PPP1R13B: variants seen among roughly 807,000 people sequenced by gnomAD.
PPP1R13B encodes the protein protein phosphatase 1 regulatory subunit 13B, also known as apoptosis-stimulating of p53 protein 1.
Under a neutral mutation model 119.8 loss-of-function variants are expected in PPP1R13B, and 44 were observed. The ratio of observed to expected loss-of-function variants is 0.37; its 90% CI spans 0.29 to 0.47. The LOEUF is 0.47. PPP1R13B is among the 20% of genes least tolerant of loss of function. The pLI is 0.99. For missense variants in PPP1R13B, 1,227 were observed against 1,413.5 expected (o/e 0.87, Z 2.12); for synonymous variants, 542 against 561.5 (o/e 0.97, Z 0.49).
intron 1 of PPP1R13B, among the ~76,000 whole-genome samples, chr14:103,814,328 G>A (rs762442825): frequency 1.2e-4 from 18 of 152,090 alleles, no homozygotes; most frequent in South Asian, 4.2e-4. Flanking sequence ...CAGCCTGGGC[G>A]ACAGAGCAAG....
intron 9 of PPP1R13B, 186 bp from the exon 10 acceptor site, chr14:103,743,009 G>A: frequency 1.6e-6 from 1 of 638,632 alleles, no homozygotes; most frequent in South Asian, 1.9e-5. Context: ...ACAGACCCGT[G>A]CACAAGACCA....
At chr14:103,846,172 TAAAG>T (rs1310520588) in intron 1 of PPP1R13B, among the ~76,000 whole-genome samples, 1 of 152,150 alleles carries the variant, frequency 6.6e-6, no homozygotes, top group East Asian at 1.9e-4. Context: ...AGTCTGATGC[TAAAG>T]AAAGACCTAA....
At chr14:103,759,668 T>C (rs1290121309) in intron 4 of PPP1R13B, among the ~76,000 whole-genome samples, 2 of 152,060 alleles carry the variant, frequency 1.3e-5, no homozygotes, top group African/African-American at 2.4e-5. Flanking sequence ...TTAACATTAA[T>C]TTTATAATTT....
At chr14:103,799,125 G>A (rs1018005989) in intron 1 of PPP1R13B, among the ~76,000 whole-genome samples, 2 of 151,960 alleles carry the variant, frequency 1.3e-5, no homozygotes, top group Non-Finnish European at 2.9e-5. Context: ...TTGGCCTTCT[G>A]AGTAGCTGGG....
chr14:103,759,895 C>T (rs535688143), intron 4 of PPP1R13B, among the ~76,000 whole-genome samples: 1 of 152,090 alleles, frequency 6.6e-6, no homozygotes, highest in Non-Finnish European at 1.5e-5. Flanking sequence ...CTTTATGTTG[C>T]GTGTGTTTTT....
In PPP1R13B at chr14:103,734,709, A is replaced by G; in HGVS notation, c.*445T>C. ...AGGATCATGTGTGGGAAGTGTGAGA[A>G]AGGATGAGTGTCCGATTCGGTGACG... On this transcript the variant is annotated 3_prime_UTR_variant, in exon 17 of 17. Coordinates refer to ENST00000202556, the MANE Select transcript of PPP1R13B (RefSeq NM_015316.3). 2.2e-6 allele frequency: 1 copy of G among 458,424 alleles called. No individual in the cohort carries two copies. The highest frequency in any genetic ancestry group is 1.5e-5 in the South Asian group (1 of 64,570). 28.4% of individuals were successfully genotyped at this position (458,424 alleles called of 1,614,324 possible).
intron 9 of PPP1R13B, among the ~76,000 whole-genome samples, chr14:103,745,585 C>T (rs1359582825): frequency 1.3e-5 from 2 of 152,212 alleles, no homozygotes; most frequent in Non-Finnish European, 2.9e-5. Context: ...ATGGACTACA[C>T]TAGAGGTCCA....
intron 4 of PPP1R13B, among the ~76,000 whole-genome samples, chr14:103,758,914 A>C (rs2084738948): frequency 6.6e-6 from 1 of 151,742 alleles, no homozygotes; most frequent in Non-Finnish European, 1.5e-5. Flanking sequence ...ATGATGTTTG[A>C]GCACATTCTT....
chr14:103,748,639 G>A (rs189652305), intron 8 of PPP1R13B, among the ~76,000 whole-genome samples: 18 of 152,336 alleles, frequency 1.2e-4, no homozygotes, highest in African/African-American at 3.8e-4. Flanking sequence ...TAATCACTGA[G>A]TGCCACAGGT....
intron 4 of PPP1R13B, chr14:103,763,144 A>T (rs1241280911): frequency 1.6e-6 from 1 of 639,542 alleles, no homozygotes; most frequent in Non-Finnish European, 2.8e-6. Flanking sequence ...CTGCCACCTT[A>T]TGACAGGGAT....
intron 4 of PPP1R13B, among the ~76,000 whole-genome samples, chr14:103,770,774 C>T (rs1249128482): frequency 6.6e-6 from 1 of 152,130 alleles, no homozygotes; most frequent in African/African-American, 2.4e-5. Flanking sequence ...AGATAAAACA[C>T]AAAACATGTT....
At chr14:103,752,340 T>A (rs1425626178) in intron 7 of PPP1R13B, among the ~76,000 whole-genome samples, 2 of 152,074 alleles carry the variant, frequency 1.3e-5, no homozygotes, top group African/African-American at 2.4e-5. Flanking sequence ...AGAAAGTAGA[T>A]CTGTGGCTGC....
chr14:103,802,184 T>C (rs751081083), intron 1 of PPP1R13B, among the ~76,000 whole-genome samples: 1 of 152,136 alleles, frequency 6.6e-6, no homozygotes, highest in Non-Finnish European at 1.5e-5. Context: ...TCTATGCTCT[T>C]AAAGATCTAG....
rs1567080068 is a variant in PPP1R13B, at chr14:103,738,242, C to G, written c.2865-382G>C. ...AGCTGTCTGAAAGTTCAAAATAACCCCCACAGGAGACCAACACGCCTCGCC... is the reference window on the plus strand; with the variant it reads ...AGCTGTCTGAAAGTTCAAAATAACCGCCACAGGAGACCAACACGCCTCGCC... On this transcript the variant is annotated intron_variant, in intron 14 of 16. Transcript: ENST00000202556. This position sits in a 1 kb window ranked among gnomAD's most constrained non-coding sequence, Gnocchi z 5.6. 2 of 288,488 alleles carry G rather than the reference C, an allele frequency of 6.9e-6. No homozygotes were observed. Among genetic ancestry groups the G allele is most frequent in the East Asian group, 1.7e-4 (2 of 11,984 alleles). The allele number at this position is 288,488 out of a possible 1,614,324, so 17.9% of individuals were successfully genotyped here.
chr14:103,742,143 G>T lies in PPP1R13B; in HGVS notation c.1469C>A (p.Pro490His). 1 of 1,611,932 alleles carries T rather than the reference G, an allele frequency of 6.2e-7. No individual in the cohort carries two copies. Among genetic ancestry groups the T allele is most frequent in the Non-Finnish European group, 8.5e-7 (1 of 1,180,002 alleles). The change falls in exon 11 of 17, where the codon CCC becomes CAC. Residue 490 changes from proline to histidine, a missense_variant. Pro to His is a moderately conservative substitution (Grantham distance 77). Coordinates refer to ENST00000202556, the MANE Select transcript of PPP1R13B (RefSeq NM_015316.3). This position sits in a 1 kb window ranked among gnomAD's most constrained non-coding sequence, Gnocchi z 4.9. The stretch of plus-strand genomic sequence containing the variant: ...CTGTCGACTTGGCAGGCCTGCACTG[G>T]GCCTGGGCAAGCTGCCTTCCTTCCT... ...ERRKEGSLPR[P>H]SAGLPSRQRP...
At position 103,758,948 on chromosome 14, in the gene PPP1R13B, AT is replaced by A. The variant is rs754393248; in HGVS notation, c.355-1198del. Among the ~76,000 whole-genome samples, 270 of 149,220 alleles carry A rather than the reference AT, an allele frequency of 1.8e-3. 1 individual carries two copies. Among genetic ancestry groups the A allele is most frequent in the Non-Finnish European group, 3.4e-3 (233 of 67,538 alleles). ...TTGACTCTTGAAACATGGGATCAGG[AT>A]TTAACAGTCTTTTTTTTTTTTTTTC... On this transcript the variant is annotated intron_variant, in intron 4 of 16. Coordinates refer to ENST00000202556, the MANE Select transcript of PPP1R13B (RefSeq NM_015316.3).
At chr14:103,760,649 TCCAACA>T (rs1474288840) in intron 4 of PPP1R13B, among the ~76,000 whole-genome samples, 2 of 152,218 alleles carry the variant, frequency 1.3e-5, no homozygotes, top group East Asian at 3.9e-4. Context: ...CCAGATCTCC[TCCAACA>T]CCGATGTTCA....
chr14:103,776,594 T>C lies in PPP1R13B; in HGVS notation c.354+2151A>G, dbSNP rs549333252. Among the ~76,000 whole-genome samples the C allele has an allele frequency of 3.0e-4, 45 of 152,262 alleles. No individual in the cohort carries two copies. In the East Asian group the frequency reaches 8.3e-3, roughly 28 times the overall value. On this transcript the variant is annotated intron_variant, in intron 4 of 16. Transcript: ENST00000202556. ...GCCAGAAAAAGAAACTCAATCAGGC[T>C]GGGCGCGATGGCTCACGCCTGTAAT...
chr14:103,788,225 T>C (rs571975923), intron 2 of PPP1R13B, among the ~76,000 whole-genome samples: 1 of 152,330 alleles, frequency 6.6e-6, no homozygotes, highest in South Asian at 2.1e-4. Flanking sequence ...TTCAAAAGTA[T>C]TAACACCTGC....
Sources: allele counts gnomAD v4.1 joint callset (sites outside exome capture counted in the v4.1 genomes callset), GRCh38; gene constraint gnomAD v4.1.1; non-coding constraint Gnocchi (gnomAD v3.1); transcripts MANE v1.5; gene names NCBI Gene and HGNC (gene_info 2026-07-23, HGNC 2026-07-21).